The following LPA variants were observed in gnomAD, a reference collection of about 807,000 sequenced individuals.
The protein encoded by LPA is apolipoprotein(a).
Under a neutral mutation model 197.9 loss-of-function variants are expected in LPA, and 199 were observed. The ratio of observed to expected loss-of-function variants is 1.01; its 90% CI spans 0.90 to 1.13. The LOEUF (loss-of-function observed/expected upper bound fraction) is 1.13, where lower values mean the gene tolerates loss of function less well. LPA is among the 50% of genes most tolerant of loss of function. The pLI is 0.00. For synonymous variants in LPA, 715 were observed against 639.5 expected (o/e 1.12, Z -1.78); for missense variants, 1,853 against 1,785.8 (o/e 1.04, Z -0.68).
intron 24 of LPA, among the ~76,000 whole-genome samples, chr6:160,587,400 C>G (rs1733273935): frequency 1.3e-5 from 2 of 151,956 alleles, no homozygotes; most frequent in Admixed American, 6.6e-5. Flanking sequence ...TTTGCTTTTC[C>G]TTGCCTAGAT....
At chr6:160,557,632 G>T in intron 28 of LPA, 61 bp from the exon 29 acceptor site, 1 of 1,429,666 alleles carries the variant, frequency 7.0e-7, no homozygotes, top group Non-Finnish European at 9.9e-7. Context: ...GGCACCCAGC[G>T]CTGTCTAAAC....
At chr6:160,604,191 C>T (rs1436177194) in intron 18 of LPA, among the ~76,000 whole-genome samples, 1 of 152,104 alleles carries the variant, frequency 6.6e-6, no homozygotes, top group Non-Finnish European at 1.5e-5. Flanking sequence ...CACAGTAGTC[C>T]CAAATTCCAA....
chr6:160,565,272 C>T (rs1778431734), intron 28 of LPA, among the ~76,000 whole-genome samples: 1 of 152,172 alleles, frequency 6.6e-6, no homozygotes, highest in South Asian at 2.1e-4. Context: ...GGACACCTCC[C>T]AGTAGGGGCC....
In LPA at chr6:160,631,732, A is replaced by G. The variant is rs373171980; in HGVS notation, c.1236-1977T>C. 7.0e-4 allele frequency among the ~76,000 whole-genome samples: 103 copies of G among 147,172 alleles called. No homozygotes were observed. In the East Asian group the frequency reaches 9.2e-3, roughly 13 times the overall value. ...TTCCCTATATGATCCCTTGAGTTTC[A>G]CGATTCTGTGATTTTTTTTAATGTT... On this transcript the variant is annotated intron_variant, in intron 8 of 38. Coordinates refer to ENST00000316300, the MANE Select transcript of LPA (RefSeq NM_005577.4).
intron 21 of LPA, among the ~76,000 whole-genome samples, chr6:160,594,883 A>G (rs1302872969): frequency 6.6e-6 from 1 of 152,182 alleles, no homozygotes; most frequent in African/African-American, 2.4e-5. Context: ...CTGGACCCAG[A>G]AGTATATGGA....
In LPA at chr6:160,541,134, A is replaced by AC; in HGVS notation, c.5566dup (p.Val1856GlyfsTer40). 1 of 1,614,150 alleles carries AC rather than the reference A, an allele frequency of 6.2e-7. No individual in the cohort carries two copies. Among genetic ancestry groups the AC allele is most frequent in the Non-Finnish European group, 8.5e-7 (1 of 1,179,992 alleles). On this transcript the variant is annotated frameshift_variant, in exon 35 of 39. Transcript: ENST00000316300. LOFTEE classifies it high-confidence loss of function. ...CTTCAAGCAGTGAGCAGCAGTCAGC[A>AC]CCCACTCTGGGGATATTAAGGTGCC...
At position 160,611,551 on chromosome 6, in the gene LPA, C is replaced by T; in HGVS notation, c.2603+11G>A. On this transcript the variant is annotated intron_variant, in intron 16 of 38. Transcript: ENST00000316300. ...CCCTTTATTCTCTTATGGTAAAGAACAAAGACATACGCATTTGGGTAGTAT... is the reference window on the plus strand; with the variant it reads ...CCCTTTATTCTCTTATGGTAAAGAATAAAGACATACGCATTTGGGTAGTAT... The T allele has an allele frequency of 6.2e-7, 1 of 1,606,838 alleles. No individual in the cohort carries two copies. The highest frequency in any genetic ancestry group is 8.5e-7 in the Non-Finnish European group (1 of 1,179,052).
intron 28 of LPA, among the ~76,000 whole-genome samples, chr6:160,574,994 G>C (rs755577658): frequency 6.6e-6 from 1 of 152,110 alleles, no homozygotes; most frequent in Admixed American, 6.5e-5. Flanking sequence ...GACTTTCATT[G>C]TTTCTGATGA....
At chr6:160,546,284 G>A (rs998007268) in intron 32 of LPA, among the ~76,000 whole-genome samples, 1 of 152,058 alleles carries the variant, frequency 6.6e-6, no homozygotes, top group Non-Finnish European at 1.5e-5. Context: ...CTGTAATGAA[G>A]CCTCCATAAA....
chr6:160,577,854 C>A (rs1226893303), intron 27 of LPA, among the ~76,000 whole-genome samples: 2 of 152,176 alleles, frequency 1.3e-5, no homozygotes, highest in South Asian at 2.1e-4. Flanking sequence ...TCTTCTAGTG[C>A]CCAGAGTCCT....
chr6:160,610,455 G>C (rs931696411), intron 16 of LPA, among the ~76,000 whole-genome samples: 11 of 152,120 alleles, frequency 7.2e-5, no homozygotes, highest in Non-Finnish European at 1.5e-4. Context: ...CATCTAGCTG[G>C]TAAGAACTCC....
At position 160,605,037 on chromosome 6, in the gene LPA, T is replaced by C. The variant is rs756065579; in HGVS notation, c.2945+9A>G. 2.0e-5 allele frequency: 33 copies of C among 1,613,350 alleles called. No homozygotes were observed. The African/African-American group carries it at 3.6e-4, about 18-fold the overall frequency. ...CTTCCTTCACTTATGGTAAAGAAAA[T>C]AGACATACGCATTTGGGTAGTATGC... is the stretch of plus-strand genomic sequence containing the variant. On this transcript the variant is annotated intron_variant, in intron 18 of 38. Coordinates refer to ENST00000316300, the MANE Select transcript of LPA (RefSeq NM_005577.4).
intron 28 of LPA, among the ~76,000 whole-genome samples, chr6:160,571,367 G>A (rs1434019245): frequency 1.3e-5 from 2 of 152,132 alleles, no homozygotes; most frequent in Non-Finnish European, 2.9e-5. Flanking sequence ...GGACCCACTT[G>A]AGGAGGCAGT....
Position 160,557,518 on chromosome 6 carries a change from C to T in LPA, c.4685G>A (p.Cys1562Tyr). 1 of 1,614,084 alleles carries T rather than the reference C, an allele frequency of 6.2e-7. No homozygotes were observed. The highest frequency in any genetic ancestry group is 8.5e-7 in the Non-Finnish European group (1 of 1,180,018). Residue 1562 changes from cysteine to tyrosine, a missense_variant, in exon 29 of 39, where the codon TGT (cysteine) becomes TAT (tyrosine). Around this residue, in one of 3 missense-constraint regions of LPA, gnomAD observed 1,737 missense variants for 1,504.4 expected, o/e 1.15. Coordinates refer to ENST00000316300, the MANE Select transcript of LPA (RefSeq NM_005577.4). ...CCTCACACACGGATCGGTTGTGTAA[C>T]ACCAGGGTTGTTTCCCAGAATCTGG... is the stretch of plus-strand genomic sequence containing the variant. The part of the protein sequence containing the change: ...RNPDSGKQPW[C>Y]YTTDPCVRWE...
chr6:160,647,534 C>G (rs1187069708), intron 2 of LPA, among the ~76,000 whole-genome samples: 1 of 152,180 alleles, frequency 6.6e-6, no homozygotes, highest in African/African-American at 2.4e-5. Context: ...GTACTAAGAG[C>G]CAGAGCTCTT....
rs910109699 is a variant in LPA, at chr6:160,589,620, T to C, written c.3880A>G (p.Thr1294Ala). ...GTCATAGAGGACCAAGACTGACATG[T>C]CCTTCCTGTAACAGTGGTGGAGAAT... ...GSFSTTVTGRTCQSWSSMTPH... is the reference protein window; with the variant it reads ...GSFSTTVTGRACQSWSSMTPH... Residue 1294 changes from threonine (T) to alanine (A), a missense_variant, in exon 24 of 39, where the codon ACA (threonine) becomes GCA (alanine). Coordinates refer to ENST00000316300, the MANE Select transcript of LPA (RefSeq NM_005577.4). 5.0e-6 allele frequency: 8 copies of C among 1,613,982 alleles called. No individual in the cohort carries two copies. Among genetic ancestry groups the C allele is most frequent in the Non-Finnish European group, 6.8e-6 (8 of 1,179,880 alleles).
intron 18 of LPA, 21 bp from the exon 19 acceptor site, chr6:160,601,119 C>T: frequency 6.2e-7 from 1 of 1,613,042 alleles, no homozygotes. Context: ...CAAAAGAATA[C>T]ACATCACAAA....
In LPA at chr6:160,595,394, C is replaced by T. The variant is rs767234041; in HGVS notation, c.3429G>A (p.Thr1143=). Residue 1143 remains threonine (T), a synonymous_variant, in exon 21 of 39, where the codon ACG becomes ACA. Transcript: ENST00000316300. ...CCTCTGTGCTTGGATCTGGGACCAC[C>T]GTGAGAGTTGCAAGGACACTTGATT... is the stretch of plus-strand genomic sequence containing the variant. ...VTESSVLATL[T]VVPDPSTEAS... The T allele has an allele frequency of 1.3e-5, 21 of 1,613,512 alleles. No individual in the cohort carries two copies. In the East Asian group the frequency reaches 2.2e-4, roughly 17 times the overall value.
At chr6:160,551,507 A>G (rs1223811408) in intron 30 of LPA, among the ~76,000 whole-genome samples, 3 of 152,220 alleles carry the variant, frequency 2.0e-5, no homozygotes, top group African/African-American at 7.2e-5. Context: ...TTTCTTAACA[A>G]TGACTTTTGG....
Sources: gnomAD v4.1 joint callset for allele counts (sites outside exome capture counted in the v4.1 genomes callset) on GRCh38, gnomAD v4.1.1 for gene constraint, gnomAD v4.1.1 regional missense constraint, MANE v1.5 for transcripts, NCBI Gene and HGNC (gene_info 2026-07-23, HGNC 2026-07-21) for gene names.